Variants in ANK3 observed in about 807,000 individuals in gnomAD.
ANK3 encodes the protein ankyrin-3.
A neutral mutation model predicts 370.9 loss-of-function variants in ANK3; 57 were observed. The ratio of observed to expected loss-of-function variants is 0.15; its 90% CI spans 0.12 to 0.19. ANK3 has a LOEUF of 0.19. Among genes scored for constraint, ANK3 ranks in the 10% least tolerant of loss-of-function variants. ANK3 has a pLI of 1.00. For missense variants in ANK3, 4,439 were observed against 5,302.1 expected (o/e 0.84, Z 5.06); for synonymous variants, 1,929 against 1,946.3 (o/e 0.99, Z 0.23).
chr10:60,361,520 A>T (rs905192519), intron 1 of ANK3, among the ~76,000 whole-genome samples: 1 of 152,174 alleles, frequency 6.6e-6, no homozygotes, highest in Admixed American at 6.5e-5. Flanking sequence ...TTTTGTTTAG[A>T]TCTTGATGTT....
chr10:60,601,028 G>C (rs893747010), intron 2 of ANK3, among the ~76,000 whole-genome samples: 7 of 152,078 alleles, frequency 4.6e-5, no homozygotes, highest in African/African-American at 1.2e-4. Context: ...TATGTATGAA[G>C]GGAGAGGTTA....
At chr10:60,121,075 G>T (rs1348505765) in intron 25 of ANK3, among the ~76,000 whole-genome samples, 1 of 152,144 alleles carries the variant, frequency 6.6e-6, no homozygotes, top group Non-Finnish European at 1.5e-5. Flanking sequence ...ATCAACAGAT[G>T]AATAGAAATA....
At position 60,069,490 on chromosome 10, in the gene ANK3, T is replaced by C; in HGVS notation, c.11391A>G (p.Ile3797Met). ...NNNNNLDSST[I>M]QTDNIMSNIV... ...TATTACTCATAATGTTATCTGTCTG[T>C]ATAGTGGAAGAATCCAAATTGTTGT... Residue 3797 changes from isoleucine (I) to methionine (M), a missense_variant, in exon 37 of 44, where the codon ATA becomes ATG. By Grantham distance (10) the Ile-to-Met change is conservative (BLOSUM62 1). Around this residue, in one of 13 missense-constraint regions of ANK3, gnomAD observed 496 missense variants for 529.3 expected, o/e 0.94. Transcript: ENST00000280772. 1 of 1,614,018 alleles carries C rather than the reference T, an allele frequency of 6.2e-7. No individual in the cohort carries two copies. The highest frequency in any genetic ancestry group is 8.5e-7 in the Non-Finnish European group (1 of 1,179,940).
intron 18 of ANK3, among the ~76,000 whole-genome samples, chr10:60,173,845 A>AGG (rs1157540346): frequency 6.6e-6 from 1 of 152,176 alleles, no homozygotes; most frequent in Admixed American, 6.5e-5. Context: ...CTGACCCCTG[A>AGG]GGGGCTATAA....
chr10:60,090,593 AGAT>A (rs996128344), intron 28 of ANK3, among the ~76,000 whole-genome samples: 4 of 152,248 alleles, frequency 2.6e-5, no homozygotes, highest in African/African-American at 9.6e-5. Flanking sequence ...ATAAGTCAAT[AGAT>A]GATAGCAAAA....
Position 60,489,922 on chromosome 10 carries a change from A to G in ANK3, c.96+125264T>C, listed in dbSNP as rs114480501. 5.2e-3 allele frequency among the ~76,000 whole-genome samples: 786 copies of G among 152,298 alleles called. 4 individuals carry two copies. The highest frequency in any genetic ancestry group is 6.7e-3 in the Non-Finnish European group (456 of 68,026). Reference sequence around the variant, plus strand: ...AGGATAAAAACATTTTCTTGCCCACATTTATTCATCAGGGAACAGGCCATA... The same window carrying G: ...AGGATAAAAACATTTTCTTGCCCACGTTTATTCATCAGGGAACAGGCCATA... On this transcript the variant is annotated intron_variant, in intron 2 of 43. Transcript: ENST00000373827.
intron 16 of ANK3, among the ~76,000 whole-genome samples, chr10:60,192,968 T>C (rs1267025361): frequency 6.6e-6 from 1 of 150,758 alleles, no homozygotes; most frequent in Non-Finnish European, 1.5e-5. Context: ...GCTAGGACTT[T>C]TTTTTTTTTT....
chr10:60,612,848 G>A (rs908656784), intron 2 of ANK3, among the ~76,000 whole-genome samples: 6 of 152,080 alleles, frequency 3.9e-5, no homozygotes, highest in African/African-American at 1.4e-4. Context: ...GTATCTTCTG[G>A]CATCACGGGC....
chr10:60,505,383 C>A (rs1295276932), intron 2 of ANK3, among the ~76,000 whole-genome samples: 2 of 152,020 alleles, frequency 1.3e-5, no homozygotes, highest in Non-Finnish European at 2.9e-5. Context: ...TCACTCATCT[C>A]ATTTGCCTAA....
At position 60,278,815 on chromosome 10, in the gene ANK3, C is replaced by T. The variant is rs928588124; in HGVS notation, c.373G>A (p.Val125Ile). Residue 125 changes from valine (V) to isoleucine (I), a missense_variant, in exon 4 of 44, where the codon GTC (valine) becomes ATC (isoleucine). Physicochemically the swap from Val to Ile is conservative, Grantham distance 29. Transcript: ENST00000280772. ...SLAGQAEVVKVLVTNGANVNA... is the reference protein window; with the variant it reads ...SLAGQAEVVKILVTNGANVNA... ...ACATTGGCTCCATTTGTAACCAAGA[C>T]TTTTACCACCTCTGCTTGCCCAGCC... is the stretch of plus-strand genomic sequence containing the variant. 6.2e-7 allele frequency: 1 copy of T among 1,613,984 alleles called. No individual in the cohort carries two copies. Among genetic ancestry groups the T allele is most frequent in the Non-Finnish European group, 8.5e-7 (1 of 1,179,932 alleles).
chr10:60,477,420 CT>C (rs2075095625), intron 2 of ANK3, among the ~76,000 whole-genome samples: 1 of 151,780 alleles, frequency 6.6e-6, no homozygotes, highest in Non-Finnish European at 1.5e-5. Flanking sequence ...TTTCTGTACT[CT>C]TGAATTATGT....
chr10:60,196,359 TCCACA>T, intron 15 of ANK3, 116 bp from the exon 16 acceptor site: 1 of 1,026,034 alleles, frequency 9.7e-7, no homozygotes, highest in Non-Finnish European at 1.5e-6. Context: ...CATTCCGGTT[TCCACA>T]GTACTTGGAC....
intron 2 of ANK3, among the ~76,000 whole-genome samples, chr10:60,442,452 A>G (rs1390855358): frequency 6.6e-6 from 1 of 152,192 alleles, no homozygotes; most frequent in African/African-American, 2.4e-5. Context: ...AATACAATGT[A>G]AATGCTATGT....
chr10:60,094,136 C>T (rs2089474137), intron 28 of ANK3, among the ~76,000 whole-genome samples: 1 of 150,804 alleles, frequency 6.6e-6, no homozygotes, highest in South Asian at 2.1e-4. Context: ...CTTCAACAGT[C>T]AGATTTCCAG....
intron 14 of ANK3, among the ~76,000 whole-genome samples, 154 bp from the exon 15 acceptor site, chr10:60,196,779 G>A (rs2096593907): frequency 6.6e-6 from 1 of 152,154 alleles, no homozygotes. Context: ...GATGAGCAGT[G>A]AAGTCTGCAT....
intron 2 of ANK3, among the ~76,000 whole-genome samples, chr10:60,434,467 T>C (rs1595026645): frequency 6.6e-6 from 1 of 152,330 alleles, no homozygotes; most frequent in African/African-American, 2.4e-5. Context: ...AGTGAAAACA[T>C]TTTTAATGTG....
chr10:60,287,886 C>T (rs1434469841), intron 1 of ANK3, among the ~76,000 whole-genome samples: 1 of 152,116 alleles, frequency 6.6e-6, no homozygotes, highest in African/African-American at 2.4e-5. Context: ...AATAGGTCTA[C>T]TCTTATCTGT....
intron 17 of ANK3, among the ~76,000 whole-genome samples, chr10:60,184,558 T>G (rs865776341): frequency 6.6e-6 from 1 of 152,242 alleles, no homozygotes; most frequent in African/African-American, 2.4e-5. Flanking sequence ...TATCTCTGCT[T>G]GTGTATCATT....
chr10:60,329,908 A>C (rs761027694), intron 1 of ANK3, among the ~76,000 whole-genome samples: 1 of 152,220 alleles, frequency 6.6e-6, no homozygotes. Context: ...ACAGTAACCA[A>C]AACAGCATGG....
Sources: allele counts gnomAD v4.1 joint callset (sites outside exome capture counted in the v4.1 genomes callset), GRCh38; gene constraint gnomAD v4.1.1; regional missense constraint gnomAD v4.1.1; transcripts MANE v1.5; gene names NCBI Gene and HGNC (gene_info 2026-07-23, HGNC 2026-07-21).